URB2: variants seen among roughly 807,000 people sequenced by gnomAD.
URB2 encodes unhealthy ribosome biogenesis protein 2 homolog.
Under a neutral mutation model 120.9 loss-of-function variants are expected in URB2, and 86 were observed. The ratio of observed to expected loss-of-function variants is 0.71; its 90% CI spans 0.60 to 0.85. URB2 has a LOEUF of 0.85. URB2 is among the 40% of genes least tolerant of loss of function. The pLI is 0.00. For synonymous variants in URB2, 755 were observed against 758.4 expected, an observed-to-expected ratio of 1.00 and a Z score of 0.07; for missense variants, 1,765 against 1,836.5, an observed-to-expected ratio of 0.96 and a Z score of 0.71.
At chr1:229,645,249 C>T (rs1340868950) in intron 5 of URB2, among the ~76,000 whole-genome samples, 1 of 150,112 alleles carries the variant, frequency 6.7e-6, no homozygotes, top group Non-Finnish European at 1.5e-5. Flanking sequence ...CATGCCATTG[C>T]ACTCCAAGCC....
chr1:229,652,054 C>CA (rs1293100193), intron 8 of URB2, among the ~76,000 whole-genome samples: 34 of 152,050 alleles, frequency 2.2e-4, no homozygotes, highest in African/African-American at 8.0e-4. Context: ...TGATGGTGGA[C>CA]TCCTGTAATC....
chr1:229,626,798 T>C (rs555636665), intron 1 of URB2, among the ~76,000 whole-genome samples: 1 of 152,390 alleles, frequency 6.6e-6, no homozygotes, highest in African/African-American at 2.4e-5. Context: ...TTCTATGGTA[T>C]TGAACTTAGA....
chr1:229,632,191 T>A, intron 2 of URB2, 78 bp from the exon 3 acceptor site: 396 of 1,159,790 alleles, frequency 3.4e-4, no homozygotes, highest in East Asian at 9.4e-4. Context: ...TGCTTATACC[T>A]GTAATGTCCC....
In URB2 at chr1:229,636,743, C is replaced by T. The variant is rs758367090; in HGVS notation, c.2130C>T (p.Ser710=). 1.5e-5 allele frequency: 24 copies of T among 1,611,754 alleles called. No individual in the cohort carries two copies. Among genetic ancestry groups the T allele is most frequent in the African/African-American group, 1.2e-4 (9 of 74,804 alleles). ...GCGATGCTGCCTTTATTATTGGTTC[C>T]GGCAGAAAAAGCTTGAATCAGAGAA... ...LRCDAAFIIG[S]GRKSLNQRTT... is the part of the protein sequence containing the mutation. Residue 710 remains serine, a synonymous_variant, in exon 4 of 10, where the codon TCC becomes TCT. Transcript: ENST00000258243.
intron 4 of URB2, among the ~76,000 whole-genome samples, chr1:229,642,056 G>A (rs536915494): frequency 1.6e-4 from 24 of 152,194 alleles, no homozygotes; most frequent in Non-Finnish European, 3.4e-4. Context: ...GTTTGAGGCT[G>A]TATCCTGCTC....
chr1:229,648,825 T>C (rs987957264), intron 7 of URB2, among the ~76,000 whole-genome samples: 1 of 152,202 alleles, frequency 6.6e-6, no homozygotes, highest in African/African-American at 2.4e-5. Context: ...CAGAGACTTG[T>C]TCTGAGAAAT....
chr1:229,634,957 C>A lies in URB2; in HGVS notation c.344C>A (p.Ser115Tyr), dbSNP rs528861549. Residue 115 changes from serine to tyrosine, a missense_variant, in exon 4 of 10, where the codon TCC becomes TAC. Ser to Tyr is a moderately radical substitution (Grantham distance 144). Coordinates refer to ENST00000258243, the MANE Select transcript of URB2 (RefSeq NM_014777.4). Reference protein sequence around the residue: ...ERVAEFSLSGSQRNICAVLRC... With the variant: ...ERVAEFSLSGYQRNICAVLRC... The stretch of plus-strand genomic sequence containing the variant: ...GTAGCTGAGTTCTCTCTTTCGGGAT[C>A]CCAAAGAAACATCTGTGCTGTCCTT... 1.3e-6 allele frequency: 2 copies of A among 1,548,486 alleles called. No individual in the cohort carries two copies. The highest frequency in any genetic ancestry group is 2.4e-5 in the South Asian group (2 of 82,382).
Position 229,636,005 on chromosome 1 carries a change from A to G in URB2, c.1392A>G (p.Arg464=). ...TCTTCCAGACTTATGCCAAACTCCG[A>G]CAAGTGCCACGGTTGTTTGAAGAGG... ...RTVFQTYAKL[R]QVPRLFEEVL... Residue 464 remains arginine, a synonymous_variant, in exon 4 of 10, where the codon CGA becomes CGG. Coordinates refer to ENST00000258243, the MANE Select transcript of URB2 (RefSeq NM_014777.4). 1 of 1,613,792 alleles carries G rather than the reference A, an allele frequency of 6.2e-7. No homozygotes were observed. Among genetic ancestry groups the G allele is most frequent in the Non-Finnish European group, 8.5e-7 (1 of 1,179,692 alleles).
intron 2 of URB2, among the ~76,000 whole-genome samples, chr1:229,631,394 C>T (rs1186488627): frequency 6.6e-6 from 1 of 152,218 alleles, no homozygotes; most frequent in Non-Finnish European, 1.5e-5. Flanking sequence ...CTTTTAATTT[C>T]CTTCAAGAAC....
intron 7 of URB2, among the ~76,000 whole-genome samples, chr1:229,650,193 T>C (rs1308821752): frequency 6.6e-6 from 1 of 152,146 alleles, no homozygotes; most frequent in East Asian, 1.9e-4. Flanking sequence ...TGGTCAGCAG[T>C]GGTGGGTGTG....
At chr1:229,644,268 A>G (rs959570192) in intron 5 of URB2, among the ~76,000 whole-genome samples, 12 of 152,250 alleles carry the variant, frequency 7.9e-5, no homozygotes, top group African/African-American at 1.7e-4. Flanking sequence ...CACAGAGCCA[A>G]TGGTTGGTGG....
Position 229,647,671 on chromosome 1 carries a change from C to G in URB2, c.4068C>G (p.Asp1356Glu), listed in dbSNP as rs774435867. Residue 1356 changes from aspartate (D) to glutamate (E), a missense_variant, in exon 7 of 10, where the codon GAC (aspartate) becomes GAG (glutamate). By Grantham distance (45) the Asp-to-Glu change is conservative. Coordinates refer to ENST00000258243, the MANE Select transcript of URB2 (RefSeq NM_014777.4). Reference sequence around the variant, plus strand: ...GCATCCTTCTCACTGTCCCTTTGGACCATCTGAAGCCGCTGGAGTATGGAA... The same window carrying G: ...GCATCCTTCTCACTGTCCCTTTGGAGCATCTGAAGCCGCTGGAGTATGGAA... ...AFSILLTVPL[D>E]HLKPLEYGSV... The G allele has an allele frequency of 3.1e-6, 5 of 1,614,138 alleles. No homozygotes were observed. In the South Asian group the frequency reaches 5.5e-5, roughly 18 times the overall value.
In URB2 at chr1:229,635,234, C is replaced by G; in HGVS notation, c.621C>G (p.Val207=). Residue 207 remains valine (V), a synonymous_variant, in exon 4 of 10, where the codon GTC becomes GTG. Coordinates refer to ENST00000258243, the MANE Select transcript of URB2 (RefSeq NM_014777.4). ...CTCACCTGCTCCAGCCGTGCCTGGT[C>G]CTGAGGCACTTACTCTCTGGGGGCA... The part of the protein sequence containing the change: ...VTAHLLQPCL[V]LRHLLSGGTW... The G allele has an allele frequency of 1.2e-6, 2 of 1,614,248 alleles. No individual in the cohort carries two copies. Among genetic ancestry groups the G allele is most frequent in the Non-Finnish European group, 1.7e-6 (2 of 1,180,052 alleles).
chr1:229,628,106 T>C (rs1476873301), intron 2 of URB2, among the ~76,000 whole-genome samples: 2 of 141,592 alleles, frequency 1.4e-5, no homozygotes, highest in Non-Finnish European at 3.0e-5. Context: ...ATATATTATA[T>C]ATGTATATAT....
In URB2 at chr1:229,659,453, T is replaced by A; in HGVS notation, c.*156T>A. The A allele has an allele frequency of 1.4e-6, 1 of 711,818 alleles. No homozygotes were observed. Among genetic ancestry groups the A allele is most frequent in the Non-Finnish European group, 2.2e-6 (1 of 460,096 alleles). The allele number at this position is 711,818 out of a possible 1,614,324, so 44.1% of individuals were successfully genotyped here. A position where few individuals can be genotyped will look rare whatever the true frequency, so the allele number is the denominator to read the frequency against. ...GTTTATGTAGTATATTTTGATGTAT[T>A]TTACATCGTGTTTTTCTTACTATTT... On this transcript the variant is annotated 3_prime_UTR_variant, in exon 10 of 10. Transcript: ENST00000258243.
Position 229,636,217 on chromosome 1 carries a change from T to C in URB2, c.1604T>C (p.Met535Thr), listed in dbSNP as rs776758551. 1.4e-5 allele frequency: 22 copies of C among 1,613,048 alleles called. No individual in the cohort carries two copies. The highest frequency in any genetic ancestry group is 1.9e-5 in the Non-Finnish European group (22 of 1,179,196). Residue 535 changes from methionine (M) to threonine (T), a missense_variant, in exon 4 of 10, where the codon ATG becomes ACG. Met to Thr is a moderately conservative substitution (Grantham distance 81). Transcript: ENST00000258243. Reference protein sequence around the residue: ...VLPYLQSDADMALKSLSLSLL... With the variant: ...VLPYLQSDADTALKSLSLSLL... ...CCCTATTTGCAGAGTGATGCCGACA[T>C]GGCCCTGAAATCACTGTCACTGAGC...
chr1:229,639,603 T>A (rs901592462), intron 4 of URB2, among the ~76,000 whole-genome samples: 1 of 152,204 alleles, frequency 6.6e-6, no homozygotes, highest in African/African-American at 2.4e-5. Flanking sequence ...CCCAAAGTAC[T>A]GGGATTACAG....
chr1:229,632,507 G>A, intron 3 of URB2, 62 bp downstream of exon 3: 2 of 1,404,410 alleles, frequency 1.4e-6, no homozygotes, highest in East Asian at 2.6e-5. Flanking sequence ...TGTTAATGCT[G>A]GAAACTTGTT....
At chr1:229,650,491 T>G (rs1177944438) in intron 7 of URB2, among the ~76,000 whole-genome samples, 3 of 152,008 alleles carry the variant, frequency 2.0e-5, no homozygotes, top group African/African-American at 7.3e-5. Flanking sequence ...AGTGCAGTGG[T>G]GCGATCTTGG....
Sources: allele counts gnomAD v4.1 joint callset (sites outside exome capture counted in the v4.1 genomes callset), GRCh38; gene constraint gnomAD v4.1.1; transcripts MANE v1.5; gene names NCBI Gene and HGNC (gene_info 2026-07-23, HGNC 2026-07-21).